Variants in ARMC6 observed in about 807,000 individuals in gnomAD.
ARMC6 encodes the protein armadillo repeat-containing protein 6.
Under a neutral mutation model 49.2 loss-of-function variants are expected in ARMC6, and 43 were observed. That is an observed-to-expected ratio of 0.87 (90% CI 0.69 to 1.13). The LOEUF (loss-of-function observed/expected upper bound fraction) is 1.13, where lower values mean the gene tolerates loss of function less well. Ranked by LOEUF, ARMC6 falls within the 50% of genes most tolerant of loss-of-function variation. ARMC6 has a pLI of 0.00. For missense variants in ARMC6, 627 were observed against 682.0 expected (o/e 0.92, Z 0.90); for synonymous variants, 262 against 289.6 (o/e 0.90, Z 0.97).
rs562427061 is a variant in ARMC6 at position 19,049,175 on chromosome 19, C to G, written c.280-2447C>G. On this transcript the variant is annotated intron_variant, in intron 4 of 8. Coordinates refer to ENST00000535612, the MANE Select transcript of ARMC6 (RefSeq NM_001199196.2). ...TCAAGCAATTCTTCAGCCTCAGCCTCCCATGTAGCTGACTACATGGTGTGA... is the reference window on the plus strand; with the variant it reads ...TCAAGCAATTCTTCAGCCTCAGCCTGCCATGTAGCTGACTACATGGTGTGA... Among the ~76,000 whole-genome samples, 3 of 151,486 alleles carry G rather than the reference C, an allele frequency of 2.0e-5. No individual in the cohort carries two copies. The South Asian group carries it at 6.2e-4, about 31-fold the overall frequency.
chr19:19,040,789 A>G (rs1354144014), intron 2 of ARMC6: 1 of 443,160 alleles, frequency 2.3e-6, no homozygotes, highest in South Asian at 1.6e-5. Context: ...CTGGGATTAC[A>G]GACGTGAGCC....
intron 2 of ARMC6, among the ~76,000 whole-genome samples, chr19:19,034,581 T>A (rs11670204): frequency 0.7 from 106,164 of 151,778 alleles, 37,650 homozygotes; most frequent in East Asian, 0.89. Context: ...CCCCAGCATG[T>A]CATGGCACAC....
Position 19,057,506 on chromosome 19 carries a change from A to T in ARMC6, c.1384A>T (p.Met462Leu). The change falls in exon 9 of 9, where the codon ATG becomes TTG. Residue 462 changes from methionine (M) to leucine (L), a missense_variant. Met to Leu is a conservative substitution (Grantham distance 15). Transcript: ENST00000535612. ...GGACCTGGGGGCTGAGGCACTCATC[A>T]TGCAGGCCCGATCTGCCCACCGTGA... ...ILDLGAEALI[M>L]QARSAHRDCE... is the part of the protein sequence containing the mutation. The T allele has an allele frequency of 6.2e-7, 1 of 1,614,034 alleles. No homozygotes were observed.
rs2059554124 is a variant in ARMC6, at chr19:19,057,482, G to C, written c.1360G>C (p.Asp454His). 2 of 1,614,100 alleles carry C rather than the reference G, an allele frequency of 1.2e-6. No homozygotes were observed. The highest frequency in any genetic ancestry group is 1.7e-6 in the Non-Finnish European group (2 of 1,180,018). Residue 454 changes from aspartate to histidine, a missense_variant, in exon 9 of 9, where the codon GAC (aspartate) becomes CAC (histidine). Physicochemically the swap from Asp to His is moderately conservative, Grantham distance 81. Coordinates refer to ENST00000535612, the MANE Select transcript of ARMC6 (RefSeq NM_001199196.2). ...CCAGGCCTTCTCGAAGCCCATCCTG[G>C]ACCTGGGGGCTGAGGCACTCATCAT... Reference protein sequence around the residue: ...HGQAFSKPILDLGAEALIMQA... With the variant: ...HGQAFSKPILHLGAEALIMQA...
Position 19,042,979 on chromosome 19 carries a change from A to T in ARMC6, c.196+102A>T, listed in dbSNP as rs1008318229. The T allele has an allele frequency of 2.8e-5, 40 of 1,429,114 alleles. No homozygotes were observed. In the African/African-American group the frequency reaches 7.2e-4, roughly 26 times the overall value. The allele number at this position is 1,429,114 out of a possible 1,614,324, so 88.5% of individuals were successfully genotyped here. A position where few individuals can be genotyped will look rare whatever the true frequency, so the allele number is the denominator to read the frequency against. ...CCACTGGGGGTGCCACATGCCTGGC[A>T]TAGAAACCAGGTGCCATTGGGCCCT... On this transcript the variant is annotated intron_variant, in intron 3 of 8. Coordinates refer to ENST00000535612, the MANE Select transcript of ARMC6 (RefSeq NM_001199196.2).
rs760586853 is a variant in ARMC6, at chr19:19,042,817, G to A, written c.136G>A (p.Glu46Lys). 2 of 1,614,058 alleles carry A rather than the reference G, an allele frequency of 1.2e-6. No individual in the cohort carries two copies. The highest frequency in any genetic ancestry group is 1.7e-6 in the Non-Finnish European group (2 of 1,180,046). The change falls in exon 3 of 9, where the codon GAG becomes AAG. Residue 46 changes from glutamate to lysine, a missense_variant. Transcript: ENST00000535612. The stretch of plus-strand genomic sequence containing the variant: ...TGCAGCTGTGCGCGAGAACATCGAG[G>A]AGTTTGCGATGGGGCCAGAGGAGGC... Reference protein sequence around the residue: ...FDAAVRENIEEFAMGPEEAVK... With the variant: ...FDAAVRENIEKFAMGPEEAVK...
intron 2 of ARMC6, 120 bp downstream of exon 2, chr19:19,034,358 G>C: frequency 7.8e-7 from 1 of 1,285,648 alleles, no homozygotes; most frequent in Non-Finnish European, 1.1e-6. Context: ...GCGGGGAAGA[G>C]GAACTTGGAA....
At chr19:19,049,059 AT>A (rs67876712) in intron 4 of ARMC6, among the ~76,000 whole-genome samples, 4,481 of 124,920 alleles carry the variant, frequency 0.036, 119 homozygotes, top group African/African-American at 0.098. Flanking sequence ...GAGGACTTAG[AT>A]TTTTTTTTTT....
chr19:19,035,321 A>G (rs1396695198), intron 2 of ARMC6, among the ~76,000 whole-genome samples: 1 of 152,186 alleles, frequency 6.6e-6, no homozygotes, highest in African/African-American at 2.4e-5. Context: ...AGTTTTCTTG[A>G]TGAGCAGATT....
rs55814119 is a variant in ARMC6 at position 19,058,042 on chromosome 19, A to G, written c.*414A>G. 5,499 of 315,872 alleles carry G rather than the reference A, an allele frequency of 0.017. 61 individuals are homozygous for G. Among genetic ancestry groups the G allele is most frequent in the African/African-American group, 0.026 (1,197 of 46,138 alleles). The allele number at this position is 315,872 out of a possible 1,614,324, so 19.6% of individuals were successfully genotyped here. A position where few individuals can be genotyped will look rare whatever the true frequency, so the allele number is the denominator to read the frequency against. ...CCTGCTGCTTACTGCAGTTTCATGC[A>G]GGCCTCTGCTCCTTGTCTTTCTTAC... is the stretch of plus-strand genomic sequence containing the variant. On this transcript the variant is annotated 3_prime_UTR_variant, in exon 9 of 9. Coordinates refer to ENST00000535612, the MANE Select transcript of ARMC6 (RefSeq NM_001199196.2).
intron 2 of ARMC6, chr19:19,040,677 G>T (rs1157612852): frequency 4.8e-5 from 15 of 310,084 alleles, no homozygotes; most frequent in Admixed American, 8.7e-5. Context: ...TTGCAACATC[G>T]TCTGACTGTC....
chr19:19,049,742 G>T (rs2059481367), intron 4 of ARMC6, among the ~76,000 whole-genome samples: 1 of 152,126 alleles, frequency 6.6e-6, no homozygotes, highest in South Asian at 2.1e-4. Context: ...GGAATCACAG[G>T]CTGGCCACCC....
chr19:19,043,804 A>G (rs1183578776), intron 3 of ARMC6, among the ~76,000 whole-genome samples, 188 bp from the exon 4 acceptor site: 1 of 152,136 alleles, frequency 6.6e-6, no homozygotes. Context: ...GACCAGTGGC[A>G]GAAACACCCA....
chr19:19,039,384 A>G, intron 2 of ARMC6: 2 of 451,466 alleles, frequency 4.4e-6, no homozygotes, highest in Non-Finnish European at 8.9e-6. Flanking sequence ...CAGTCCTCCC[A>G]CCTTGGCCTC....
rs551392678 is a variant in ARMC6 at position 19,048,641 on chromosome 19, G to A, written c.280-2981G>A. 4.6e-5 allele frequency among the ~76,000 whole-genome samples: 7 copies of A among 152,292 alleles called. No homozygotes were observed. In the East Asian group the frequency reaches 9.6e-4, roughly 21 times the overall value. ...GGTTTATCAAGGAAGCCTCCAGGTAGCAGGCTTCAGAGAAAATAGATTGTA... is the reference window on the plus strand; with the variant it reads ...GGTTTATCAAGGAAGCCTCCAGGTAACAGGCTTCAGAGAAAATAGATTGTA... On this transcript the variant is annotated intron_variant, in intron 4 of 8. Coordinates refer to ENST00000535612, the MANE Select transcript of ARMC6 (RefSeq NM_001199196.2).
At chr19:19,056,736 C>T (rs924076060) in intron 8 of ARMC6, among the ~76,000 whole-genome samples, 8 of 152,150 alleles carry the variant, frequency 5.3e-5, no homozygotes, top group Middle Eastern at 3.2e-3. Flanking sequence ...CAGACTCCTC[C>T]GTGCAGCCCC....
Position 19,055,041 on chromosome 19 carries a change from C to G in ARMC6, c.1024-224C>G, listed in dbSNP as rs1438375002. On this transcript the variant is annotated intron_variant, in intron 6 of 8. Transcript: ENST00000535612. The surrounding 1 kb of genome is among the most constrained non-coding windows in gnomAD (Gnocchi z 5.7). Reference sequence around the variant, plus strand: ...TCTGAAGGCCGGCCTGAGTCACATGCCCCCGCTGCCCCTGTCGGGGTAGGG... The same window carrying G: ...TCTGAAGGCCGGCCTGAGTCACATGGCCCCGCTGCCCCTGTCGGGGTAGGG... Among the ~76,000 whole-genome samples the G allele has an allele frequency of 2.0e-5, 3 of 152,186 alleles. No homozygotes were observed. The highest frequency in any genetic ancestry group is 6.5e-5 in the Admixed American group (1 of 15,278).
chr19:19,037,175 ACT>A (rs1482851057), intron 2 of ARMC6, among the ~76,000 whole-genome samples: 1 of 151,184 alleles, frequency 6.6e-6, no homozygotes, highest in Non-Finnish European at 1.5e-5. Flanking sequence ...ACAGAGCGAG[ACT>A]CTGTCTCAAA....
chr19:19,053,844 C>CTTT (rs36029259), intron 5 of ARMC6, among the ~76,000 whole-genome samples: 2 of 146,670 alleles, frequency 1.4e-5, no homozygotes, highest in African/African-American at 5.0e-5. Flanking sequence ...CTTCAGATGT[C>CTTT]TTTTTTTTTT....
Sources: gnomAD v4.1 joint callset for allele counts (sites outside exome capture counted in the v4.1 genomes callset) on GRCh38, gnomAD v4.1.1 for gene constraint, Gnocchi (gnomAD v3.1) non-coding constraint, MANE v1.5 for transcripts, NCBI Gene and HGNC (gene_info 2026-07-23, HGNC 2026-07-21) for gene names.